Variants in ZBTB20 observed in about 807,000 individuals in gnomAD.
ZBTB20 encodes zinc finger and BTB domain containing 20.
In ZBTB20, 9 loss-of-function variants were observed where a neutral mutation model predicts 56.9. That is an observed-to-expected ratio of 0.16 (90% CI 0.10 to 0.28). ZBTB20 has a LOEUF of 0.28. Among genes scored for constraint, ZBTB20 ranks in the 10% least tolerant of loss-of-function variants. The pLI is 1.00. For missense variants in ZBTB20, 655 were observed against 1,003.0 expected (o/e 0.65, Z 4.69); for synonymous variants, 417 against 420.7 (o/e 0.99, Z 0.11).
In ZBTB20 at chr3:114,813,810, T is replaced by G. The variant is rs779723086; in HGVS notation, c.-416-12636A>C. ...AAGTAATATAATCTAGATAATCTAA[T>G]ATAATATAATCTAGATAATCTAGAA... On this transcript the variant is annotated intron_variant, in intron 4 of 11. Transcript: ENST00000675478. Among the ~76,000 whole-genome samples, 15 of 152,262 alleles carry G rather than the reference T, an allele frequency of 9.9e-5. 1 individual carries two copies. The South Asian group carries it at 2.5e-3, about 25-fold the overall frequency.
intron 2 of ZBTB20, among the ~76,000 whole-genome samples, chr3:114,991,846 T>A (rs1220421375): frequency 1.3e-5 from 2 of 152,162 alleles, no homozygotes; most frequent in East Asian, 3.9e-4. Context: ...TTGATCCCTT[T>A]ACCATCATGT....
intron 6 of ZBTB20, among the ~76,000 whole-genome samples, chr3:114,615,276 A>G (rs1240440591): frequency 6.6e-6 from 1 of 152,214 alleles, no homozygotes; most frequent in Non-Finnish European, 1.5e-5. Flanking sequence ...TTCAACTCCA[A>G]TATGATGGTT....
At chr3:115,124,683 C>G (rs1314909604) in intron 1 of ZBTB20, among the ~76,000 whole-genome samples, 3 of 152,008 alleles carry the variant, frequency 2.0e-5, no homozygotes. Flanking sequence ...ATAAACAGGC[C>G]CTTGCAGATA....
intron 1 of ZBTB20, among the ~76,000 whole-genome samples, chr3:115,116,006 T>C (rs2108635992): frequency 6.6e-6 from 1 of 152,232 alleles, no homozygotes; most frequent in Admixed American, 6.5e-5. Context: ...TTACAAAGTG[T>C]TCATAATATG....
At chr3:114,376,519 C>T (rs1290532876) in intron 10 of ZBTB20, among the ~76,000 whole-genome samples, 4 of 152,112 alleles carry the variant, frequency 2.6e-5, no homozygotes, top group African/African-American at 7.2e-5. Flanking sequence ...ATTTTAATCA[C>T]ACAGACTTGG....
rs1426738429 is a variant in ZBTB20, at chr3:115,106,503, A to G, written c.-702-35089T>C. ...CTGCCTCAGCCTCCCAAAGTAATGG[A>G]ATTACAAGCATGAGCCACTGTGCCC... On this transcript the variant is annotated intron_variant, in intron 1 of 11. Coordinates refer to ENST00000675478, the MANE Select transcript of ZBTB20 (RefSeq NM_001348800.3). Among the ~76,000 whole-genome samples, 4 of 152,036 alleles carry G rather than the reference A, an allele frequency of 2.6e-5. No homozygotes were observed. The East Asian group carries it at 7.7e-4, about 29-fold the overall frequency.
At chr3:114,356,479 T>A (rs2081267719) in intron 10 of ZBTB20, among the ~76,000 whole-genome samples, 1 of 152,194 alleles carries the variant, frequency 6.6e-6, no homozygotes. Flanking sequence ...GGATGGGGAT[T>A]TGAAGTCTCT....
chr3:114,426,200 G>A (rs1160761103), intron 7 of ZBTB20, among the ~76,000 whole-genome samples: 2 of 152,106 alleles, frequency 1.3e-5, no homozygotes, highest in South Asian at 2.1e-4. Context: ...TTAGCTGGGC[G>A]TGGTGGCGGG....
chr3:114,672,310 C>G (rs1245510003), intron 6 of ZBTB20, among the ~76,000 whole-genome samples: 1 of 152,076 alleles, frequency 6.6e-6, no homozygotes, highest in Admixed American at 6.6e-5. Flanking sequence ...ATTAAAAGAA[C>G]TTTTCTTGGT....
chr3:115,135,282 A>ATAG (rs1470016252), intron 1 of ZBTB20, among the ~76,000 whole-genome samples: 1 of 152,174 alleles, frequency 6.6e-6, no homozygotes, highest in African/African-American at 2.4e-5. Context: ...ATAACCATAT[A>ATAG]TAGCTACTTT....
intron 2 of ZBTB20, among the ~76,000 whole-genome samples, chr3:115,053,646 G>C (rs1272588317): frequency 1.6e-4 from 24 of 152,052 alleles, no homozygotes; most frequent in Admixed American, 1.6e-3. Flanking sequence ...AGATTCTACT[G>C]TATTTCATCC....
intron 7 of ZBTB20, among the ~76,000 whole-genome samples, chr3:114,470,019 T>C (rs1304396214): frequency 6.6e-6 from 1 of 152,212 alleles, no homozygotes; most frequent in African/African-American, 2.4e-5. Context: ...TTTCTCAACT[T>C]ATCTAAAATG....
At chr3:114,769,358 G>T (rs564672627) in intron 5 of ZBTB20, among the ~76,000 whole-genome samples, 62 of 151,390 alleles carry the variant, frequency 4.1e-4, no homozygotes, top group African/African-American at 1.5e-3. Context: ...AGAAACTGTG[G>T]TGTGCATATA....
At chr3:114,462,274 C>T (rs559775579) in intron 7 of ZBTB20, among the ~76,000 whole-genome samples, 1 of 152,124 alleles carries the variant, frequency 6.6e-6, no homozygotes, top group African/African-American at 2.4e-5. Context: ...ATTCTCCAGG[C>T]CAAAATAAAG....
chr3:114,611,699 T>C (rs2057566263), intron 6 of ZBTB20, among the ~76,000 whole-genome samples: 2 of 152,180 alleles, frequency 1.3e-5, no homozygotes, highest in South Asian at 4.1e-4. Context: ...ATGTCCCTTT[T>C]TGATCCCCAC....
chr3:114,378,848 G>T (rs1335176874), intron 10 of ZBTB20: 1 of 152,216 alleles, frequency 6.6e-6, no homozygotes, highest in Non-Finnish European at 1.5e-5. Flanking sequence ...TATTAGGACG[G>T]TCCTCAGAAC....
intron 10 of ZBTB20, among the ~76,000 whole-genome samples, chr3:114,377,506 C>T (rs913128544): frequency 3.9e-5 from 6 of 152,110 alleles, no homozygotes; most frequent in African/African-American, 1.4e-4. Context: ...AGCCTGTGTC[C>T]TTCATATGCA....
chr3:114,999,174 GGGAAAGGAAAGGAGGAA>G (rs1412153939), intron 2 of ZBTB20, among the ~76,000 whole-genome samples: 4 of 144,182 alleles, frequency 2.8e-5, no homozygotes, highest in African/African-American at 1.0e-4. Flanking sequence ...GAAAGGGAGA[GGGAAAGGAAAGGAGGAA>G]GGAAAGGAAA....
chr3:115,115,916 C>T (rs1441114959), intron 1 of ZBTB20, among the ~76,000 whole-genome samples: 1 of 151,952 alleles, frequency 6.6e-6, no homozygotes, highest in Non-Finnish European at 1.5e-5. Context: ...TAAATCATTT[C>T]AAATAGACTT....
Sources: allele counts gnomAD v4.1 joint callset (sites outside exome capture counted in the v4.1 genomes callset), GRCh38; gene constraint gnomAD v4.1.1; transcripts MANE v1.5; gene names NCBI Gene and HGNC (gene_info 2026-07-23, HGNC 2026-07-21).